The following PTPN13 variants were observed in gnomAD, a reference collection of about 807,000 sequenced individuals.
The protein encoded by PTPN13 is protein tyrosine phosphatase non-receptor type 13, also known as tyrosine-protein phosphatase non-receptor type 13.
A neutral mutation model predicts 284.0 loss-of-function variants in PTPN13; 191 were observed. The ratio of observed to expected loss-of-function variants is 0.67; its 90% CI spans 0.60 to 0.76. The LOEUF (loss-of-function observed/expected upper bound fraction) is 0.76. Among genes scored for constraint, PTPN13 ranks in the 30% least tolerant of loss-of-function variants. The pLI, the probability that PTPN13 is intolerant of heterozygous loss-of-function variation, is 0.00. For synonymous variants in PTPN13, 986 were observed against 1,022.3 expected (o/e 0.96, Z 0.68); for missense variants, 2,797 against 2,939.9 (o/e 0.95, Z 1.12).
chr4:86,626,725 A>G (rs116193917), intron 1 of PTPN13, among the ~76,000 whole-genome samples: 1,752 of 152,228 alleles, frequency 0.012, 11 homozygotes, highest in Non-Finnish European at 0.013. Flanking sequence ...TACAATTACC[A>G]TATGATTTAG....
intron 1 of PTPN13, among the ~76,000 whole-genome samples, chr4:86,623,402 A>G (rs965119199): frequency 1.3e-5 from 2 of 152,162 alleles, no homozygotes; most frequent in Non-Finnish European, 2.9e-5. Context: ...CCTCACAGAC[A>G]CACCCAAAAT....
At chr4:86,786,399 CTG>C (rs140020970) in intron 40 of PTPN13, among the ~76,000 whole-genome samples, 2,446 of 152,228 alleles carry the variant, frequency 0.016, 97 homozygotes, top group East Asian at 0.093. Flanking sequence ...ATTATTAAAA[CTG>C]TGCTGGTTTG....
At chr4:86,651,429 CCCTT>C (rs534420867) in intron 2 of PTPN13, among the ~76,000 whole-genome samples, 368 of 151,796 alleles carry the variant, frequency 2.4e-3, no homozygotes, top group African/African-American at 8.3e-3. Context: ...GTCCTTCCCT[CCCTT>C]CCTTCCTTCC....
At chr4:86,734,259 AG>A in intron 12 of PTPN13, 43 bp from the exon 13 acceptor site, 1 of 1,352,506 alleles carries the variant, frequency 7.4e-7, no homozygotes, top group African/African-American at 1.5e-5. Flanking sequence ...AAAACACTAA[AG>A]TATTTTTTTA....
intron 24 of PTPN13, among the ~76,000 whole-genome samples, 196 bp from the exon 25 acceptor site, chr4:86,764,397 G>A (rs932033675): frequency 6.6e-6 from 1 of 151,770 alleles, no homozygotes; most frequent in Non-Finnish European, 1.5e-5. Context: ...TATGTTCTTT[G>A]ACTATACTCT....
In PTPN13 at chr4:86,751,031, A is replaced by C. The variant is rs1210603096; in HGVS notation, c.3073A>C (p.Lys1025Gln). The C allele has an allele frequency of 6.2e-7, 1 of 1,603,930 alleles. No individual in the cohort carries two copies. Among genetic ancestry groups the C allele is most frequent in the Non-Finnish European group, 8.5e-7 (1 of 1,171,776 alleles). The change falls in exon 19 of 48, where the codon AAG (lysine) becomes CAG (glutamine). Residue 1025 changes from lysine to glutamine, a missense_variant. Coordinates refer to ENST00000411767, the MANE Select transcript of PTPN13 (RefSeq NM_080683.3). ...LAGVTKLNNS[K>Q]SVASLNRSPE... Reference sequence around the variant, plus strand: ...ACCTTCCTTTTCCCTCTTCAGTTCAAAGTCTGTTGCGAGTTTAAATAGAAG... The same window carrying C: ...ACCTTCCTTTTCCCTCTTCAGTTCACAGTCTGTTGCGAGTTTAAATAGAAG...
intron 5 of PTPN13, 95 bp downstream of exon 5, chr4:86,689,285 C>G (rs1578419462): frequency 3.1e-6 from 3 of 962,272 alleles, no homozygotes; most frequent in Non-Finnish European, 4.6e-6. Flanking sequence ...GTAGCATTTT[C>G]TCAATGAAGA....
In PTPN13 at chr4:86,774,437, A is replaced by G; in HGVS notation, c.5414A>G (p.Lys1805Arg). 6.2e-7 allele frequency: 1 copy of G among 1,605,994 alleles called. No individual in the cohort carries two copies. Among genetic ancestry groups the G allele is most frequent in the Non-Finnish European group, 8.5e-7 (1 of 1,175,764 alleles). ...EKGSLGFTVT[K>R]GNQRIGCYVH... ...GGAAGCCTGGGTTTTACAGTAACCA[A>G]AGGCAATCAGAGAATTGGTTGTTAT... Residue 1805 changes from lysine to arginine, a missense_variant, in exon 33 of 48, where the codon AAA (lysine) becomes AGA (arginine). Coordinates refer to ENST00000411767, the MANE Select transcript of PTPN13 (RefSeq NM_080683.3).
intron 6 of PTPN13, among the ~76,000 whole-genome samples, chr4:86,695,743 C>A (rs1179165922): frequency 6.6e-6 from 1 of 151,840 alleles, no homozygotes; most frequent in Non-Finnish European, 1.5e-5. Context: ...CCTCTTTCAG[C>A]AGTTCCCTAC....
At chr4:86,650,274 A>G (rs1436994492) in intron 2 of PTPN13, among the ~76,000 whole-genome samples, 1 of 152,128 alleles carries the variant, frequency 6.6e-6, no homozygotes, top group African/African-American at 2.4e-5. Context: ...GGCATGAGCT[A>G]CAACGTCTGG....
chr4:86,752,905 G>A (rs867916538), intron 19 of PTPN13, 104 bp from the exon 20 acceptor site: 1 of 718,576 alleles, frequency 1.4e-6, no homozygotes, highest in Non-Finnish European at 2.2e-6. Flanking sequence ...AAATGTTGCT[G>A]CCTTATTGTT....
intron 7 of PTPN13, among the ~76,000 whole-genome samples, chr4:86,702,230 T>C (rs1477228319): frequency 1.3e-5 from 2 of 152,220 alleles, no homozygotes; most frequent in African/African-American, 4.8e-5. Context: ...AGAAGCAGAA[T>C]AGCATGGTTA....
chr4:86,696,108 A>G (rs1284183188), intron 6 of PTPN13, among the ~76,000 whole-genome samples: 2 of 151,976 alleles, frequency 1.3e-5, no homozygotes, highest in African/African-American at 2.4e-5. Flanking sequence ...CAATTAAGAG[A>G]TTATACTGAG....
intron 1 of PTPN13, among the ~76,000 whole-genome samples, chr4:86,618,242 T>C (rs574149545): frequency 2.0e-5 from 3 of 152,212 alleles, no homozygotes; most frequent in Non-Finnish European, 2.9e-5. Context: ...GTTGTAGATA[T>C]GTGGCATTAT....
intron 23 of PTPN13, 124 bp downstream of exon 23, chr4:86,759,197 T>C (rs779115211): frequency 5.3e-6 from 5 of 949,126 alleles, no homozygotes; most frequent in Middle Eastern, 2.4e-4. Flanking sequence ...TAAACTGTGA[T>C]TACTTAATGT....
At chr4:86,740,513 C>T (rs1476264911) in intron 15 of PTPN13, among the ~76,000 whole-genome samples, 1 of 152,130 alleles carries the variant, frequency 6.6e-6, no homozygotes, top group Admixed American at 6.5e-5. Context: ...GCAGAGGGAC[C>T]CTGGGCCCGG....
At chr4:86,627,713 TC>T (rs1721999475) in intron 1 of PTPN13, among the ~76,000 whole-genome samples, 1 of 152,132 alleles carries the variant, frequency 6.6e-6, no homozygotes, top group African/African-American at 2.4e-5. Flanking sequence ...CACATGCCTC[TC>T]CATAGGGCAA....
chr4:86,649,024 C>A (rs1381595598), intron 2 of PTPN13, among the ~76,000 whole-genome samples: 1 of 151,988 alleles, frequency 6.6e-6, no homozygotes, highest in East Asian at 1.9e-4. Flanking sequence ...GTATGTCTTC[C>A]TTTGAGAAAT....
chr4:86,748,026 A>G (rs28539152), intron 17 of PTPN13, among the ~76,000 whole-genome samples: 1,980 of 152,326 alleles, frequency 0.013, 51 homozygotes, highest in African/African-American at 0.045. Flanking sequence ...AATCCAGGGT[A>G]CTTTCTGTTT....
Sources: gnomAD v4.1 joint callset for allele counts (sites outside exome capture counted in the v4.1 genomes callset) on GRCh38, gnomAD v4.1.1 for gene constraint, MANE v1.5 for transcripts, NCBI Gene and HGNC (gene_info 2026-07-23, HGNC 2026-07-21) for gene names.